The following MAP3K11 variants were observed in gnomAD, a reference collection of about 807,000 sequenced individuals.
MAP3K11 encodes SH3 domain-containing proline-rich kinase.
A neutral mutation model predicts 84.9 loss-of-function variants in MAP3K11; 46 were observed. That is an observed-to-expected ratio of 0.54 (90% CI 0.43 to 0.69). The LOEUF (loss-of-function observed/expected upper bound fraction) is 0.69. Ranked by LOEUF, MAP3K11 falls within the 30% of genes least tolerant of loss-of-function variation. MAP3K11 has a pLI of 0.00. For synonymous variants in MAP3K11, 527 were observed against 514.7 expected (o/e 1.02, Z -0.32); for missense variants, 1,053 against 1,198.3 (o/e 0.88, Z 1.79).
At chr11:65,601,125 G>C (rs913466321) in intron 8 of MAP3K11, among the ~76,000 whole-genome samples, 1 of 152,062 alleles carries the variant, frequency 6.6e-6, no homozygotes, top group Non-Finnish European at 1.5e-5. Flanking sequence ...GCCCCTGTCC[G>C]CAGCCCCAGT....
intron 8 of MAP3K11, among the ~76,000 whole-genome samples, chr11:65,603,714 T>G (rs959946855): frequency 2.0e-5 from 3 of 152,250 alleles, no homozygotes; most frequent in Non-Finnish European, 4.4e-5. Flanking sequence ...GGGAACCAGA[T>G]GCTCAGCCAG....
At chr11:65,606,988 G>T in intron 5 of MAP3K11, 184 bp from the exon 6 acceptor site, 1 of 576,646 alleles carries the variant, frequency 1.7e-6, no homozygotes, top group Non-Finnish European at 2.9e-6. Context: ...CTACTCGTCT[G>T]AGTCGGAGAT....
At chr11:65,607,106 CACAG>C in intron 5 of MAP3K11, 160 bp downstream of exon 5, 2 of 1,022,056 alleles carry the variant, frequency 2.0e-6, no homozygotes, top group East Asian at 6.4e-5. Flanking sequence ...AGAACCCGCC[CACAG>C]ACAGAAAAAA....
chr11:65,610,699 C>T (rs1029870227), intron 1 of MAP3K11: 1 of 152,290 alleles, frequency 6.6e-6, no homozygotes, highest in African/African-American at 2.4e-5. Flanking sequence ...TGTCTCTAGC[C>T]ACTTGTGGCA....
At chr11:65,601,245 C>G (rs1854452278) in intron 8 of MAP3K11, among the ~76,000 whole-genome samples, 1 of 152,150 alleles carries the variant, frequency 6.6e-6, no homozygotes, top group Non-Finnish European at 1.5e-5. Context: ...GGGTGGCTGA[C>G]CTTTCCCACC....
intron 6 of MAP3K11, 60 bp downstream of exon 6, chr11:65,606,631 G>GGCTCCGCC: frequency 7.8e-7 from 1 of 1,282,236 alleles, no homozygotes. Flanking sequence ...CAAGAATAAG[G>GGCTCCGCC]TCTGACAGAG....
chr11:65,607,075 C>A (rs1283826304), intron 5 of MAP3K11, 195 bp downstream of exon 5: 5 of 845,058 alleles, frequency 5.9e-6, no homozygotes, highest in Middle Eastern at 3.7e-4. Flanking sequence ...ACTCCCAGAC[C>A]GACATGCAAA....
Position 65,607,250 on chromosome 11 carries a change from C to G in MAP3K11, c.1489+20G>C, listed in dbSNP as rs1344649474. ...CCCCCGCAGCCAATGGCGGGGGACG[C>G]CCCGGGGCCCGGCCCTCACCGAGTG... On this transcript the variant is annotated intron_variant, in intron 5 of 9. Transcript: ENST00000309100. 14 of 1,474,086 alleles carry G rather than the reference C, an allele frequency of 9.5e-6. No homozygotes were observed. In the Admixed American group the frequency reaches 1.5e-4, roughly 16 times the overall value. The allele number at this position is 1,474,086 out of a possible 1,614,324, so 91.3% of individuals were successfully genotyped here.
chr11:65,604,701 C>T (rs1437556907), intron 8 of MAP3K11, among the ~76,000 whole-genome samples: 1 of 151,302 alleles, frequency 6.6e-6, no homozygotes, highest in Non-Finnish European at 1.5e-5. Flanking sequence ...TCAAGTGTAG[C>T]TCAGGGAATG....
intron 6 of MAP3K11, chr11:65,606,424 C>T (rs1367077190): frequency 2.4e-6 from 1 of 422,298 alleles, no homozygotes; most frequent in Non-Finnish European, 4.1e-6. Flanking sequence ...AAATAACTAC[C>T]AAATAGAATT....
At chr11:65,605,156 C>T (rs1176326792) in intron 8 of MAP3K11, among the ~76,000 whole-genome samples, 2 of 152,088 alleles carry the variant, frequency 1.3e-5, no homozygotes, top group Non-Finnish European at 2.9e-5. Context: ...TAATAGTAGC[C>T]CCTCTTCATC....
At chr11:65,608,188 GGCCCA>G in intron 2 of MAP3K11, 75 bp downstream of exon 2, 1 of 1,590,094 alleles carries the variant, frequency 6.3e-7, no homozygotes, top group Non-Finnish European at 8.6e-7. Context: ...CCCTGGACTT[GGCCCA>G]GCCCTAGATT....
At chr11:65,603,578 C>A (rs1854477924) in intron 8 of MAP3K11, among the ~76,000 whole-genome samples, 1 of 152,254 alleles carries the variant, frequency 6.6e-6, no homozygotes, top group South Asian at 2.1e-4. Flanking sequence ...GACCATCTCA[C>A]AGGGTCTGGG....
At chr11:65,606,191 C>A (rs1365139124) in intron 6 of MAP3K11, 110 bp from the exon 7 acceptor site, 5 of 1,275,070 alleles carry the variant, frequency 3.9e-6, no homozygotes, top group Admixed American at 6.7e-5. Context: ...GGCCCTGTAC[C>A]ATTCCCAGGG....
rs549942073 is a variant in MAP3K11 at position 65,599,568 on chromosome 11, G to A, written c.2032C>T (p.Pro678Ser). ...GRERGESPTT[P>S]PTPTPAPCPT... ...CAGGGCGCGGGCGTTGGCGTGGGGG[G>A]TGTTGTCGGGGACTCCCCGCGCTCG... Residue 678 changes from proline to serine, a missense_variant, in exon 9 of 10, where the codon CCC (proline) becomes TCC (serine). This residue lies in a region of MAP3K11 where 583 missense variants were observed against 566.6 expected (regional missense o/e 1.03). Transcript: ENST00000309100. 1.3e-6 allele frequency: 2 copies of A among 1,502,650 alleles called. No individual in the cohort carries two copies. The highest frequency in any genetic ancestry group is 2.5e-5 in the East Asian group (1 of 39,246). The allele number at this position is 1,502,650 out of a possible 1,614,324, so 93.1% of individuals were successfully genotyped here. A position where few individuals can be genotyped will look rare whatever the true frequency, so the allele number is the denominator to read the frequency against.
chr11:65,609,002 G>A (rs938323228), intron 1 of MAP3K11: 1 of 154,606 alleles, frequency 6.5e-6, no homozygotes, highest in African/African-American at 2.4e-5. Flanking sequence ...AAACCAAGCA[G>A]GGAAATGACT....
At chr11:65,598,730 G>T in intron 9 of MAP3K11, 102 bp from the exon 10 acceptor site, 1 of 808,166 alleles carries the variant, frequency 1.2e-6, no homozygotes, top group Non-Finnish European at 1.8e-6. Flanking sequence ...TGTGCACAGT[G>T]ACCTACTTGA....
intron 1 of MAP3K11, chr11:65,608,958 G>A (rs544489148): frequency 2.6e-5 from 4 of 155,900 alleles, no homozygotes; most frequent in African/African-American, 9.6e-5. Flanking sequence ...CCATTTATGA[G>A]CTAAATAATA....
intron 8 of MAP3K11, among the ~76,000 whole-genome samples, chr11:65,602,556 G>C (rs1458989517): frequency 1.3e-5 from 2 of 151,962 alleles, no homozygotes; most frequent in African/African-American, 2.4e-5. Context: ...TGAGGCAGGA[G>C]AATCACTTGA....
Sources: gnomAD v4.1 joint callset for allele counts (sites outside exome capture counted in the v4.1 genomes callset) on GRCh38, gnomAD v4.1.1 for gene constraint, gnomAD v4.1.1 regional missense constraint, MANE v1.5 for transcripts, NCBI Gene and HGNC (gene_info 2026-07-23, HGNC 2026-07-21) for gene names.